Variants in CEP350 observed in about 807,000 individuals in gnomAD.
The protein encoded by CEP350 is centrosome-associated protein 350.
Under a neutral mutation model 331.8 loss-of-function variants are expected in CEP350, and 126 were observed. The observed-to-expected ratio is 0.38, with a 90% confidence interval of 0.33 to 0.44. The LOEUF is 0.44. CEP350 is among the 20% of genes least tolerant of loss of function. The pLI is 1.00. For missense variants in CEP350, 3,406 were observed against 3,634.6 expected, an observed-to-expected ratio of 0.94 and a Z score of 1.62; for synonymous variants, 1,200 against 1,259.5, an observed-to-expected ratio of 0.95 and a Z score of 1.00.
At position 180,107,999 on chromosome 1, in the gene CEP350, G is replaced by GA. The variant is rs199692090; in HGVS notation, c.9190-2990dup. On this transcript the variant is annotated intron_variant, in intron 37 of 37. Coordinates refer to ENST00000367607, the MANE Select transcript of CEP350 (RefSeq NM_014810.5). ...TATAATAGACTCTGAAGATCAGAAG[G>GA]AAAAAAAATAGAGGCAAATTTGCAG... Among the ~76,000 whole-genome samples, 32 of 151,744 alleles carry GA rather than the reference G, an allele frequency of 2.1e-4. No homozygotes were observed. The East Asian group carries it at 5.8e-3, about 28-fold the overall frequency.
chr1:179,984,282 T>G (rs1247612416), intron 1 of CEP350, among the ~76,000 whole-genome samples: 14 of 152,242 alleles, frequency 9.2e-5, no homozygotes, highest in Admixed American at 9.2e-4. Flanking sequence ...ATTTGTGATC[T>G]CACATTTTCT....
In CEP350 at chr1:180,095,538, G is replaced by A; in HGVS notation, c.8527G>A (p.Gly2843Ser). 6.2e-7 allele frequency: 1 copy of A among 1,613,698 alleles called. No homozygotes were observed. Among genetic ancestry groups the A allele is most frequent in the Non-Finnish European group, 8.5e-7 (1 of 1,179,734 alleles). ...ATTTCTATAGGAGAGCCCAGTATTT[G>A]GTGCCAGTGGGCAGGAAGAACTTGC... ...MCPRPESPVF[G>S]ASGQEELAKR... Residue 2843 changes from glycine to serine, a missense_variant, in exon 35 of 38, where the codon GGT becomes AGT. Physicochemically the swap from Gly to Ser is moderately conservative, Grantham distance 56 (BLOSUM62 0). This residue lies in a region of CEP350 where 1,415 missense variants were observed against 1,512.3 expected (regional missense o/e 0.94). Transcript: ENST00000367607.
intron 6 of CEP350, among the ~76,000 whole-genome samples, chr1:179,999,513 A>C (rs1183470200): frequency 2.6e-5 from 4 of 152,114 alleles, no homozygotes; most frequent in Admixed American, 2.6e-4. Context: ...TTTTCTGCCA[A>C]CTTTTTGGTA....
chr1:180,055,784 G>C (rs1000860735), intron 25 of CEP350, among the ~76,000 whole-genome samples: 4 of 151,828 alleles, frequency 2.6e-5, no homozygotes, highest in Non-Finnish European at 4.4e-5. Flanking sequence ...CTGACCTCGC[G>C]ATCCGCCATC....
At chr1:180,047,059 G>T (rs1657166301) in intron 21 of CEP350, among the ~76,000 whole-genome samples, 1 of 152,170 alleles carries the variant, frequency 6.6e-6, no homozygotes, top group African/African-American at 2.4e-5. Context: ...TATGAACACA[G>T]GGACAGAAGT....
At chr1:180,046,661 T>C (rs1283037836) in intron 21 of CEP350, among the ~76,000 whole-genome samples, 2 of 152,246 alleles carry the variant, frequency 1.3e-5, no homozygotes, top group East Asian at 3.8e-4. Flanking sequence ...TGCAAAACTA[T>C]TTTCCAAAGT....
chr1:179,996,975 T>TA lies in CEP350; in HGVS notation c.821dup (p.Arg275AlafsTer5), dbSNP rs1369923041. ...TCTAATTCCCAAAGATTAGATATTC[T>TA]AAAGCGGCGACAACATGATGTCAAA... On this transcript the variant is annotated frameshift_variant, in exon 6 of 38. Coordinates refer to ENST00000367607, the MANE Select transcript of CEP350 (RefSeq NM_014810.5). LOFTEE classifies it high-confidence loss of function. 1 of 1,614,026 alleles carries TA rather than the reference T, an allele frequency of 6.2e-7. No homozygotes were observed. The highest frequency in any genetic ancestry group is 1.7e-5 in the Admixed American group (1 of 60,030).
At chr1:179,989,495 AAAAATCTGAAGG>A (rs920544331) in intron 3 of CEP350, among the ~76,000 whole-genome samples, 3 of 151,486 alleles carry the variant, frequency 2.0e-5, no homozygotes, top group African/African-American at 7.3e-5. Context: ...AAAAAAAAAA[AAAAATCTGAAGG>A]AAGATATATC....
chr1:180,065,055 T>A, intron 26 of CEP350, 60 bp from the exon 27 acceptor site: 1 of 1,473,658 alleles, frequency 6.8e-7, no homozygotes, highest in Non-Finnish European at 9.0e-7. Context: ...ATTGACAGTA[T>A]TATGATGGCT....
intron 5 of CEP350, among the ~76,000 whole-genome samples, chr1:179,993,323 A>G (rs1653229199): frequency 6.6e-6 from 1 of 152,140 alleles, no homozygotes; most frequent in South Asian, 2.1e-4. Context: ...TTGCCTAGAG[A>G]CATAATCATT....
At chr1:180,083,031 A>G (rs1277281556) in intron 30 of CEP350, among the ~76,000 whole-genome samples, 2 of 152,174 alleles carry the variant, frequency 1.3e-5, no homozygotes, top group African/African-American at 2.4e-5. Context: ...TTTAGACCAC[A>G]CTATTAAAAA....
rs140219195 is a variant in CEP350, at chr1:180,027,415, A to G, written c.3550+2833A>G. 8.0e-4 allele frequency among the ~76,000 whole-genome samples: 121 copies of G among 152,134 alleles called. 1 individual carries two copies. The highest frequency in any genetic ancestry group is 2.8e-3 in the African/African-American group (116 of 41,516). On this transcript the variant is annotated intron_variant, in intron 14 of 37. Transcript: ENST00000367607. Reference sequence around the variant, plus strand: ...GTTTTTTGAGATAGGGTCTCACTCTATCACCCAGGCTGGAGTACAGTGGTG... The same window carrying G: ...GTTTTTTGAGATAGGGTCTCACTCTGTCACCCAGGCTGGAGTACAGTGGTG...
intron 26 of CEP350, among the ~76,000 whole-genome samples, chr1:180,064,410 A>G (rs1184057695): frequency 6.6e-6 from 1 of 152,058 alleles, no homozygotes; most frequent in African/African-American, 2.4e-5. Flanking sequence ...ACTGTTCAAG[A>G]GGAAGAAAGG....
intron 14 of CEP350, 116 bp downstream of exon 14, chr1:180,024,698 A>G (rs1343506411): frequency 1.7e-6 from 2 of 1,162,596 alleles, no homozygotes; most frequent in African/African-American, 3.1e-5. Context: ...TAATGTAATT[A>G]GCTTTCATAT....
intron 22 of CEP350, among the ~76,000 whole-genome samples, chr1:180,050,110 A>G (rs1476321409): frequency 2.0e-5 from 3 of 152,062 alleles, no homozygotes; most frequent in African/African-American, 4.8e-5. Flanking sequence ...AAGAAACCAA[A>G]CCCTTAACCT....
chr1:179,980,774 T>C (rs1652219986), intron 1 of CEP350, among the ~76,000 whole-genome samples: 1 of 152,096 alleles, frequency 6.6e-6, no homozygotes, highest in Non-Finnish European at 1.5e-5. Context: ...TTATTTTTAA[T>C]TTTTTTAATA....
At chr1:180,051,619 A>T (rs1571925173) in intron 22 of CEP350, among the ~76,000 whole-genome samples, 1 of 152,350 alleles carries the variant, frequency 6.6e-6, no homozygotes, top group East Asian at 1.9e-4. Flanking sequence ...TGAACTAATC[A>T]TGCATACACA....
In CEP350 at chr1:180,086,540, C is replaced by CATAT. The variant is rs35457934; in HGVS notation, c.6286-1020_6286-1017dup. ...TTAAAATTACAGTATATGAGATATG[C>CATAT]ATATATATATATATATATATAAAAT... On this transcript the variant is annotated intron_variant, in intron 31 of 37. Coordinates refer to ENST00000367607, the MANE Select transcript of CEP350 (RefSeq NM_014810.5). 3.8e-3 allele frequency among the ~76,000 whole-genome samples: 569 copies of CATAT among 149,744 alleles called. 3 individuals are homozygous for CATAT. The highest frequency in any genetic ancestry group is 0.022 in the East Asian group (112 of 5,086).
At chr1:180,058,459 A>C (rs1271172610) in intron 25 of CEP350, among the ~76,000 whole-genome samples, 3 of 152,198 alleles carry the variant, frequency 2.0e-5, no homozygotes, top group East Asian at 3.8e-4. Context: ...CAGTCATATA[A>C]ATTTTTTTAA....
Sources: allele counts gnomAD v4.1 joint callset (sites outside exome capture counted in the v4.1 genomes callset), GRCh38; gene constraint gnomAD v4.1.1; regional missense constraint gnomAD v4.1.1; transcripts MANE v1.5; gene names NCBI Gene and HGNC (gene_info 2026-07-23, HGNC 2026-07-21).